DBF4B: variants seen among roughly 807,000 people sequenced by gnomAD.
DBF4B encodes protein DBF4 homolog B.
In DBF4B, 49 loss-of-function variants were observed where a neutral mutation model predicts 53.4. The observed-to-expected ratio is 0.92, with a 90% CI of 0.73 to 1.16. DBF4B has a LOEUF of 1.16. Among genes scored for constraint, DBF4B ranks in the 50% most tolerant of loss-of-function variants. The probability of loss-of-function intolerance (pLI) is 0.00; values close to 1 mark genes in which losing one functional copy is unlikely to be tolerated. For missense variants in DBF4B, 692 were observed against 775.0 expected (o/e 0.89, Z 1.27); for synonymous variants, 257 against 288.7 (o/e 0.89, Z 1.11).
intron 1 of DBF4B, 64 bp downstream of exon 1, chr17:44,708,903 C>T: frequency 2.6e-6 from 4 of 1,541,070 alleles, no homozygotes; most frequent in Non-Finnish European, 3.5e-6. Context: ...AGGCGAGGTG[C>T]GGAGTCGTGG....
intron 2 of DBF4B, among the ~76,000 whole-genome samples, chr17:44,711,793 G>A (rs999199347): frequency 1.1e-4 from 16 of 151,980 alleles, no homozygotes; most frequent in South Asian, 8.3e-4. Context: ...AAAATTAGCC[G>A]GGCGTGGTGG....
At chr17:44,730,878 C>T (rs1428255835) in intron 4 of DBF4B, 87 bp from the exon 5 acceptor site, 22 of 1,407,468 alleles carry the variant, frequency 1.6e-5, no homozygotes, top group Non-Finnish European at 2.2e-5. Context: ...AACCCCAAGA[C>T]ATAACCCCTC....
intron 10 of DBF4B, 27 bp from the exon 11 acceptor site, chr17:44,747,056 C>T (rs762200996): frequency 6.2e-7 from 1 of 1,608,136 alleles, no homozygotes; most frequent in East Asian, 2.2e-5. Context: ...GCAGTAACCA[C>T]TTTGCCGCAC....
chr17:44,724,881 C>T (rs907429333), intron 3 of DBF4B, among the ~76,000 whole-genome samples: 1 of 152,070 alleles, frequency 6.6e-6, no homozygotes, highest in Non-Finnish European at 1.5e-5. Flanking sequence ...CTTTGGGAGG[C>T]CCAGGTGGGC....
intron 9 of DBF4B, 64 bp from the exon 10 acceptor site, chr17:44,741,272 G>T: frequency 8.3e-7 from 1 of 1,202,432 alleles, no homozygotes; most frequent in Non-Finnish European, 1.2e-6. Flanking sequence ...GGCATTGGGC[G>T]AGGCCCCCTC....
chr17:44,734,832 G>T (rs1975204208), intron 7 of DBF4B, among the ~76,000 whole-genome samples: 2 of 152,190 alleles, frequency 1.3e-5, no homozygotes, highest in South Asian at 4.1e-4. Flanking sequence ...AGCTGGGCAT[G>T]GTGGCTCACA....
At chr17:44,741,694 C>A (rs978148665) in intron 10 of DBF4B, among the ~76,000 whole-genome samples, 3 of 152,102 alleles carry the variant, frequency 2.0e-5, no homozygotes, top group Non-Finnish European at 4.4e-5. Context: ...TGAAGGGCAC[C>A]CCCTTCTCCT....
At chr17:44,710,524 G>C (rs1972773163) in intron 2 of DBF4B, among the ~76,000 whole-genome samples, 1 of 151,806 alleles carries the variant, frequency 6.6e-6, no homozygotes, top group Non-Finnish European at 1.5e-5. Context: ...TTTCTCATTA[G>C]ATGTTTTAGA....
In DBF4B at chr17:44,751,626, G is replaced by A. The variant is rs1461595380; in HGVS notation, c.*373G>A. 3 of 1,366,178 alleles carry A rather than the reference G, an allele frequency of 2.2e-6. No individual in the cohort carries two copies. Among genetic ancestry groups the A allele is most frequent in the Non-Finnish European group, 2.8e-6 (3 of 1,059,350 alleles). 84.6% of individuals were successfully genotyped at this position (1,366,178 alleles called of 1,614,324 possible). On this transcript the variant is annotated 3_prime_UTR_variant, in exon 14 of 14. Coordinates refer to ENST00000315005, the MANE Select transcript of DBF4B (RefSeq NM_145663.3). ...CCTGGAAAACACTTGAGTTGATTCA[G>A]TAAATCGACTTCAAATACTTGAAGG...
intron 9 of DBF4B, among the ~76,000 whole-genome samples, chr17:44,740,528 G>C (rs755531522): frequency 6.6e-6 from 1 of 152,136 alleles, no homozygotes. Flanking sequence ...CCCTCAGATA[G>C]TTCTAAGGAC....
chr17:44,713,598 G>A (rs1157890069), intron 2 of DBF4B, among the ~76,000 whole-genome samples: 1 of 151,988 alleles, frequency 6.6e-6, no homozygotes, highest in Non-Finnish European at 1.5e-5. Context: ...GTAGTGAGCC[G>A]AGATCATGCC....
chr17:44,751,891 T>C lies in DBF4B; in HGVS notation c.*638T>C. 6.5e-7 allele frequency: 1 copy of C among 1,536,020 alleles called. No individual in the cohort carries two copies. The highest frequency in any genetic ancestry group is 1.4e-5 in the African/African-American group (1 of 73,096). ...GCCCCTCAGTGGCCTGGTTCTCCTG[T>C]CCCCCTGCCCTTCCTCACCATTGCC... On this transcript the variant is annotated 3_prime_UTR_variant, in exon 14 of 14. Coordinates refer to ENST00000315005, the MANE Select transcript of DBF4B (RefSeq NM_145663.3).
chr17:44,741,208 A>G, intron 9 of DBF4B, 128 bp from the exon 10 acceptor site: 1 of 693,544 alleles, frequency 1.4e-6, no homozygotes, highest in South Asian at 1.6e-5. Context: ...GTTTTGTTAT[A>G]GAATTTAAAA....
chr17:44,734,061 T>C (rs368411531), intron 6 of DBF4B, 29 bp from the exon 7 acceptor site: 1 of 1,597,494 alleles, frequency 6.3e-7, no homozygotes, highest in African/African-American at 1.3e-5. Flanking sequence ...CTGGAAGCCT[T>C]TGGCACAAAC....
At chr17:44,718,293 TGC>T (rs1973508478) in intron 2 of DBF4B, among the ~76,000 whole-genome samples, 1 of 151,484 alleles carries the variant, frequency 6.6e-6, no homozygotes, top group East Asian at 2.0e-4. Flanking sequence ...CATGGTGGTG[TGC>T]GCCTGTAGTC....
At position 44,749,524 on chromosome 17, in the gene DBF4B, T is replaced by A; in HGVS notation, c.1189+1059T>A. ...CAAGCAGCTGTCACGCTCAGCTCCA[T>A]GGAGCTGACAGAGCCACCCCTCCCA... is the stretch of plus-strand genomic sequence containing the variant. On this transcript the variant is annotated intron_variant, in intron 13 of 13. Transcript: ENST00000315005. The surrounding 1 kb of genome is among the most constrained non-coding windows in gnomAD (Gnocchi z 4.4). 2.4e-6 allele frequency: 3 copies of A among 1,246,336 alleles called. No individual in the cohort carries two copies. The highest frequency in any genetic ancestry group is 3.1e-6 in the Non-Finnish European group (3 of 966,630). 77.2% of individuals were successfully genotyped at this position (1,246,336 alleles called of 1,614,324 possible). A position where few individuals can be genotyped will look rare whatever the true frequency, so the allele number is the denominator to read the frequency against.
chr17:44,736,425 G>A (rs79136522), intron 7 of DBF4B, among the ~76,000 whole-genome samples: 219 of 152,302 alleles, frequency 1.4e-3, no homozygotes, highest in African/African-American at 4.9e-3. Context: ...ACCTGGAACA[G>A]CATCAGTACC....
chr17:44,731,396 G>C (rs1479111514), intron 5 of DBF4B: 1 of 219,242 alleles, frequency 4.6e-6, no homozygotes, highest in Non-Finnish European at 9.3e-6. Flanking sequence ...GACCACTTGA[G>C]GCCAGGAGTT....
intron 6 of DBF4B, chr17:44,732,960 T>C (rs1449773564): frequency 6.6e-6 from 1 of 151,546 alleles, no homozygotes; most frequent in African/African-American, 2.4e-5. Context: ...GGTCAGGATA[T>C]CGAGACCATC....
Sources: gnomAD v4.1 joint callset for allele counts (sites outside exome capture counted in the v4.1 genomes callset) on GRCh38, gnomAD v4.1.1 for gene constraint, Gnocchi (gnomAD v3.1) non-coding constraint, MANE v1.5 for transcripts, NCBI Gene and HGNC (gene_info 2026-07-23, HGNC 2026-07-21) for gene names.